Variants in IGSF11 observed in about 807,000 individuals in gnomAD.
The protein encoded by IGSF11 is CXADR like 1.
A neutral mutation model predicts 41.0 loss-of-function variants in IGSF11; 22 were observed. The observed-to-expected ratio is 0.54, with a 90% confidence interval of 0.38 to 0.77. The LOEUF (loss-of-function observed/expected upper bound fraction) is 0.77, where lower values mean the gene tolerates loss of function less well. IGSF11 is among the 30% of genes least tolerant of loss of function. The pLI is 0.00. For synonymous variants in IGSF11, 219 were observed against 201.3 expected, an observed-to-expected ratio of 1.09 and a Z score of -0.74; for missense variants, 444 against 530.8, an observed-to-expected ratio of 0.84 and a Z score of 1.61.
chr3:118,947,256 CA>C (rs1218305229), intron 1 of IGSF11: 1 of 152,164 alleles, frequency 6.6e-6, no homozygotes, highest in Non-Finnish European at 1.5e-5. Context: ...TGACTAGGTG[CA>C]AAATGGCTTG....
rs182149539 is a variant in IGSF11, at chr3:119,042,974, G to C, written c.49+62170C>G. Among the ~76,000 whole-genome samples, 414 of 152,290 alleles carry C rather than the reference G, an allele frequency of 2.7e-3. 2 individuals carry two copies. Among genetic ancestry groups the C allele is most frequent in the Non-Finnish European group, 4.4e-3 (296 of 68,020 alleles). Reference sequence around the variant, plus strand: ...GATGGCAGCAAGCCTCTTGTTCTCTGACCTGGGGTTCTTGGCCTAACGGAT... The same window carrying C: ...GATGGCAGCAAGCCTCTTGTTCTCTCACCTGGGGTTCTTGGCCTAACGGAT... On this transcript the variant is annotated intron_variant, in intron 1 of 6. Transcript: ENST00000354673.
At chr3:119,113,213 T>C (rs2077207849) in intron 1 of IGSF11, among the ~76,000 whole-genome samples, 1 of 152,092 alleles carries the variant, frequency 6.6e-6, no homozygotes, top group Non-Finnish European at 1.5e-5. Flanking sequence ...CCAAATCTCA[T>C]TTTCTTCTCC....
rs956019341 is a variant in IGSF11 at position 119,034,811 on chromosome 3, C to A, written c.-229G>T. 16 of 1,258,112 alleles carry A rather than the reference C, an allele frequency of 1.3e-5. No individual in the cohort carries two copies. The highest frequency in any genetic ancestry group is 2.9e-5 in the South Asian group (1 of 33,900). 77.9% of individuals were successfully genotyped at this position (1,258,112 alleles called of 1,614,324 possible). On this transcript the variant is annotated 5_prime_UTR_variant, in exon 1 of 7. Coordinates refer to ENST00000393775, the MANE Select transcript of IGSF11 (RefSeq NM_001015887.3). ...GAGCTGTGACCAGAGGCGTTCCGGG[C>A]TCGCCAGCCGTGCCACCCAGCCCTG...
intron 4 of IGSF11, among the ~76,000 whole-genome samples, chr3:118,922,231 C>T (rs970193226): frequency 5.3e-5 from 8 of 152,122 alleles, no homozygotes; most frequent in African/African-American, 1.9e-4. Context: ...TTATTTGTTG[C>T]GAGGGCTTTC....
intron 1 of IGSF11, among the ~76,000 whole-genome samples, chr3:119,026,897 A>G (rs752471279): frequency 1.1e-4 from 16 of 152,166 alleles, no homozygotes; most frequent in Admixed American, 9.8e-4. Flanking sequence ...AACTGTACAA[A>G]ATGAGATCAT....
intron 1 of IGSF11, among the ~76,000 whole-genome samples, chr3:119,066,668 C>G (rs919485084): frequency 6.6e-6 from 1 of 152,152 alleles, no homozygotes; most frequent in African/African-American, 2.4e-5. Context: ...CAAATTGATA[C>G]TTTATTTTTC....
At chr3:118,962,686 G>A (rs1240313863) in intron 1 of IGSF11, among the ~76,000 whole-genome samples, 1 of 152,040 alleles carries the variant, frequency 6.6e-6, no homozygotes, top group East Asian at 1.9e-4. Flanking sequence ...CGGCCATCAA[G>A]GCAGTGAAAC....
chr3:118,941,481 G>A (rs1439767606), intron 1 of IGSF11, among the ~76,000 whole-genome samples: 3 of 152,168 alleles, frequency 2.0e-5, no homozygotes, highest in Non-Finnish European at 2.9e-5. Flanking sequence ...AAGTGTTGAC[G>A]AGAATGTAGA....
intron 1 of IGSF11, among the ~76,000 whole-genome samples, chr3:119,138,261 C>T (rs2077589709): frequency 6.6e-6 from 1 of 152,016 alleles, no homozygotes; most frequent in East Asian, 1.9e-4. Flanking sequence ...AAAGAGATAT[C>T]TTCACTCCCA....
At chr3:118,944,441 T>C (rs1251625293) in intron 1 of IGSF11, among the ~76,000 whole-genome samples, 2 of 146,492 alleles carry the variant, frequency 1.4e-5, no homozygotes, top group African/African-American at 5.1e-5. Context: ...ATGTGGTCTA[T>C]TGCCTTAGCT....
At chr3:119,028,785 T>C (rs930637257) in intron 1 of IGSF11, among the ~76,000 whole-genome samples, 7 of 152,106 alleles carry the variant, frequency 4.6e-5, no homozygotes, top group African/African-American at 7.2e-5. Flanking sequence ...GAAGCTGACA[T>C]AGTCACACCA....
At chr3:118,961,395 C>A (rs1245448229) in intron 1 of IGSF11, among the ~76,000 whole-genome samples, 1 of 152,154 alleles carries the variant, frequency 6.6e-6, no homozygotes, top group African/African-American at 2.4e-5. Context: ...AAGCTCAGGG[C>A]ACTGTATAAT....
chr3:119,117,387 G>A (rs9864071), intron 1 of IGSF11, among the ~76,000 whole-genome samples: 4 of 152,020 alleles, frequency 2.6e-5, no homozygotes, highest in Non-Finnish European at 4.4e-5. Flanking sequence ...AGCAACTCAC[G>A]TCTTACATGG....
intron 1 of IGSF11, among the ~76,000 whole-genome samples, chr3:118,948,828 C>T (rs987361058): frequency 7.2e-5 from 11 of 151,792 alleles, no homozygotes; most frequent in Middle Eastern, 3.4e-3. Flanking sequence ...AAAAAATAGC[C>T]GGGCATGGTG....
intron 4 of IGSF11, among the ~76,000 whole-genome samples, chr3:118,922,447 T>A (rs1162281375): frequency 6.6e-6 from 1 of 151,868 alleles, no homozygotes; most frequent in African/African-American, 2.4e-5. Flanking sequence ...ACAGTTAAGA[T>A]CTCCTCCCAG....
intron 1 of IGSF11, among the ~76,000 whole-genome samples, chr3:119,056,297 T>C (rs1411674266): frequency 3.3e-5 from 5 of 152,174 alleles, no homozygotes; most frequent in South Asian, 2.1e-4. Flanking sequence ...GATATCACCA[T>C]CGATTACACA....
intron 1 of IGSF11, among the ~76,000 whole-genome samples, chr3:119,086,979 A>T (rs1459790264): frequency 6.6e-6 from 1 of 152,178 alleles, no homozygotes; most frequent in Non-Finnish European, 1.5e-5. Flanking sequence ...AAAAGACAAG[A>T]CTCAACTATC....
intron 1 of IGSF11, among the ~76,000 whole-genome samples, chr3:119,111,333 C>A (rs1019753485): frequency 1.8e-4 from 28 of 152,156 alleles, no homozygotes; most frequent in Non-Finnish European, 3.4e-4. Context: ...TGCTTCATTT[C>A]ATTCATTTCA....
chr3:118,943,725 C>T (rs1225733166), intron 1 of IGSF11, among the ~76,000 whole-genome samples: 4 of 152,222 alleles, frequency 2.6e-5, no homozygotes, highest in Non-Finnish European at 4.4e-5. Flanking sequence ...ATGTCCTTAT[C>T]AGTCTGGTTA....
Sources: gnomAD v4.1 joint callset for allele counts (sites outside exome capture counted in the v4.1 genomes callset) on GRCh38, gnomAD v4.1.1 for gene constraint, MANE v1.5 for transcripts, NCBI Gene and HGNC (gene_info 2026-07-23, HGNC 2026-07-21) for gene names.